UBE2E2: variants seen among roughly 807,000 people sequenced by gnomAD.
The protein encoded by UBE2E2 is ubiquitin conjugating enzyme E2 E2.
Under a neutral mutation model 24.7 loss-of-function variants are expected in UBE2E2, and 6 were observed. That is an observed-to-expected ratio of 0.24 (90% confidence interval 0.13 to 0.48). The LOEUF (loss-of-function observed/expected upper bound fraction) is 0.48. Among genes scored for constraint, UBE2E2 ranks in the 20% least tolerant of loss-of-function variants. The pLI is 0.99. For missense variants in UBE2E2, 169 were observed against 245.0 expected (o/e 0.69, Z 2.07); for synonymous variants, 104 against 83.6 (o/e 1.24, Z -1.33).
rs1697390225 is a variant in UBE2E2 at position 23,407,578 on chromosome 3, T to C, written c.228-92030T>C. ...TTTATCTCCTCTGCGCCCCTCCCTC[T>C]ACTTTTTATGGTTTGTATGTTTGTT... On this transcript the variant is annotated intron_variant, in intron 3 of 5. Coordinates refer to ENST00000396703, the MANE Select transcript of UBE2E2 (RefSeq NM_152653.4). This position sits in a 1 kb window ranked among gnomAD's most constrained non-coding sequence, Gnocchi z 4.0. Among the ~76,000 whole-genome samples the C allele has an allele frequency of 1.3e-5, 2 of 151,882 alleles. No individual in the cohort carries two copies. Among genetic ancestry groups the C allele is most frequent in the African/African-American group, 4.8e-5 (2 of 41,344 alleles).
chr3:23,355,929 A>G (rs1382396208), intron 3 of UBE2E2, among the ~76,000 whole-genome samples: 2 of 152,220 alleles, frequency 1.3e-5, no homozygotes, highest in South Asian at 2.1e-4. Context: ...GACTTTCTGA[A>G]TTTTGTTAGA....
chr3:23,575,313 A>G (rs1246035339), intron 5 of UBE2E2, among the ~76,000 whole-genome samples: 2 of 152,234 alleles, frequency 1.3e-5, no homozygotes, highest in African/African-American at 4.8e-5. Flanking sequence ...ATAATAACCT[A>G]TATGATCTTT....
At chr3:23,530,637 A>G (rs912359678) in intron 4 of UBE2E2, among the ~76,000 whole-genome samples, 7 of 152,198 alleles carry the variant, frequency 4.6e-5, no homozygotes, top group African/African-American at 1.7e-4. Flanking sequence ...TCTAGAGCCC[A>G]CGCTTTCTTT....
At chr3:23,396,323 A>C (rs1575603843) in intron 3 of UBE2E2, among the ~76,000 whole-genome samples, 1 of 110,186 alleles carries the variant, frequency 9.1e-6, no homozygotes, top group Non-Finnish European at 1.9e-5. Context: ...ATATATGTAT[A>C]TATATACGTA....
intron 3 of UBE2E2, among the ~76,000 whole-genome samples, chr3:23,247,757 T>C (rs1697452301): frequency 6.6e-6 from 1 of 152,170 alleles, no homozygotes; most frequent in Non-Finnish European, 1.5e-5. Flanking sequence ...CAAAGGCACT[T>C]TCCACTGCCA....
intron 4 of UBE2E2, among the ~76,000 whole-genome samples, chr3:23,502,610 G>A (rs1699748149): frequency 6.6e-6 from 1 of 152,052 alleles, no homozygotes; most frequent in African/African-American, 2.4e-5. Flanking sequence ...ATATTCCACT[G>A]CCCAATTTTT....
chr3:23,431,953 T>C (rs951268195), intron 3 of UBE2E2, among the ~76,000 whole-genome samples: 7 of 152,188 alleles, frequency 4.6e-5, no homozygotes, highest in African/African-American at 1.7e-4. Flanking sequence ...AAATAAGCTC[T>C]CACAGACAGG....
intron 3 of UBE2E2, among the ~76,000 whole-genome samples, chr3:23,440,953 A>G (rs1161489219): frequency 6.6e-6 from 1 of 152,114 alleles, no homozygotes; most frequent in Non-Finnish European, 1.5e-5. Flanking sequence ...GTCTGCTGAA[A>G]CAAGCACAGG....
chr3:23,388,620 A>G (rs955772726), intron 3 of UBE2E2, among the ~76,000 whole-genome samples: 2 of 152,240 alleles, frequency 1.3e-5, no homozygotes, highest in Non-Finnish European at 2.9e-5. Flanking sequence ...AGATTATTTT[A>G]TGCATTAGAA....
intron 3 of UBE2E2, among the ~76,000 whole-genome samples, chr3:23,424,493 C>A (rs1175394957): frequency 7.3e-6 from 1 of 137,790 alleles, no homozygotes; most frequent in Non-Finnish European, 1.6e-5. Context: ...ATGGCTTTTT[C>A]TTTGGCTTGC....
chr3:23,235,663 A>G lies in UBE2E2; in HGVS notation c.227+18351A>G, dbSNP rs1468296380. Among the ~76,000 whole-genome samples the G allele has an allele frequency of 2.0e-5, 3 of 152,078 alleles. No individual in the cohort carries two copies. In the East Asian group the frequency reaches 5.8e-4, roughly 29 times the overall value. ...AGATAGAAAGAGGGTCATTTGAAGT[A>G]TGTTTTTTGAAGGCAGGTGGACAGG... On this transcript the variant is annotated intron_variant, in intron 3 of 5. Transcript: ENST00000396703.
intron 3 of UBE2E2, among the ~76,000 whole-genome samples, chr3:23,338,980 A>G (rs1188276109): frequency 1.3e-5 from 2 of 152,214 alleles, no homozygotes; most frequent in Non-Finnish European, 2.9e-5. Flanking sequence ...AGATCTCACT[A>G]AAAGATATTT....
intron 5 of UBE2E2, among the ~76,000 whole-genome samples, chr3:23,578,874 G>A (rs936928284): frequency 3.3e-5 from 5 of 152,094 alleles, no homozygotes; most frequent in Non-Finnish European, 5.9e-5. Flanking sequence ...ACCATGGCAC[G>A]TGTTTATCTG....
intron 3 of UBE2E2, among the ~76,000 whole-genome samples, chr3:23,365,700 A>G (rs1485202295): frequency 2.0e-5 from 3 of 152,194 alleles, no homozygotes; most frequent in South Asian, 2.1e-4. Context: ...AAAGCAGTCT[A>G]CAGATTCAGT....
intron 5 of UBE2E2, among the ~76,000 whole-genome samples, chr3:23,581,109 C>T (rs1696467582): frequency 6.6e-6 from 1 of 151,864 alleles, no homozygotes; most frequent in Non-Finnish European, 1.5e-5. Context: ...CTCACTCTGA[C>T]ACCCAGGCTG....
intron 3 of UBE2E2, among the ~76,000 whole-genome samples, chr3:23,313,219 C>T (rs1034487478): frequency 6.6e-5 from 10 of 151,980 alleles, no homozygotes; most frequent in Non-Finnish European, 1.2e-4. Context: ...TAGTGACCTT[C>T]GTTTCTTACA....
intron 3 of UBE2E2, among the ~76,000 whole-genome samples, chr3:23,414,961 G>A (rs996209501): frequency 5.3e-5 from 8 of 152,170 alleles, no homozygotes; most frequent in Admixed American, 6.5e-5. Context: ...TGTAGCAGCC[G>A]AAATGGAGTT....
chr3:23,555,874 G>A (rs575387275), intron 5 of UBE2E2, among the ~76,000 whole-genome samples: 110 of 152,242 alleles, frequency 7.2e-4, no homozygotes, highest in Non-Finnish European at 4.4e-5. Context: ...AGGTTGTAGT[G>A]TGGGGAAGGA....
intron 3 of UBE2E2, among the ~76,000 whole-genome samples, chr3:23,423,820 A>G (rs1245657768): frequency 6.6e-6 from 1 of 152,232 alleles, no homozygotes; most frequent in Admixed American, 6.5e-5. Flanking sequence ...ATCTCCGATC[A>G]GTAGTAGTGT....
Sources: gnomAD v4.1 joint callset for allele counts (sites outside exome capture counted in the v4.1 genomes callset) on GRCh38, gnomAD v4.1.1 for gene constraint, Gnocchi (gnomAD v3.1) non-coding constraint, MANE v1.5 for transcripts, NCBI Gene and HGNC (gene_info 2026-07-23, HGNC 2026-07-21) for gene names.